CSF2RA: variants seen among roughly 807,000 people sequenced by gnomAD.
The protein encoded by CSF2RA is granulocyte-macrophage colony-stimulating factor receptor subunit alpha.
A neutral mutation model predicts 51.6 loss-of-function variants in CSF2RA; 42 were observed. That is an observed-to-expected ratio of 0.81 (90% CI 0.64 to 1.05). The LOEUF is 1.05. Among genes scored for constraint, CSF2RA ranks in the 50% least tolerant of loss-of-function variants. The pLI is 0.00. For synonymous variants in CSF2RA, 222 were observed against 193.0 expected (o/e 1.15, Z -1.24); for missense variants, 530 against 501.1 (o/e 1.06, Z -0.55).
intron 2 of CSF2RA, among the ~76,000 whole-genome samples, chrX:1,280,925 C>CCTCCTCCTCCTCCTCCTG (rs2089878857): frequency 8.0e-6 from 1 of 125,080 alleles, no homozygotes; most frequent in Non-Finnish European, 1.7e-5. Flanking sequence ...TCCTCCTCCT[C>CCTCCTCCTCCTCCTCCTG]CTTCTCCTCC....
At chrX:1,269,190 C>A (rs1237037494) in intron 1 of CSF2RA, among the ~76,000 whole-genome samples, 1 of 152,090 alleles carries the variant, frequency 6.6e-6, no homozygotes, top group Admixed American at 6.6e-5. Flanking sequence ...GCTGGGAATT[C>A]TCGTTGGTTT....
the CSF2RA span, among the ~76,000 whole-genome samples, chrX:1,315,746 A>G: frequency 6.6e-6 from 1 of 151,944 alleles, no homozygotes. Context: ...ATAGATAGAT[A>G]GATAGAAAAT....
chrX:1,283,446 T>G (rs2090286969), intron 3 of CSF2RA, among the ~76,000 whole-genome samples: 1 of 149,440 alleles, frequency 6.7e-6, no homozygotes, highest in Non-Finnish European at 1.5e-5. Context: ...TTGTTTTTCT[T>G]TCTTTCCTTC....
chrX:1,306,613 C>T (rs2083594521), intron 12 of CSF2RA, among the ~76,000 whole-genome samples: 2 of 151,950 alleles, frequency 1.3e-5, no homozygotes, highest in East Asian at 1.9e-4. Context: ...CACCATTGCA[C>T]TCTAACCTGG....
In CSF2RA at chrX:1,306,437, G is replaced by A. The variant is rs28829909; in HGVS notation, c.1125+910G>A. 9.0e-3 allele frequency among the ~76,000 whole-genome samples: 1,360 copies of A among 151,432 alleles called. 18 individuals carry two copies. Among genetic ancestry groups the A allele is most frequent in the African/African-American group, 0.03 (1,257 of 41,296 alleles). On this transcript the variant is annotated intron_variant, in intron 12 of 12. Transcript: ENST00000381529. ...CGAGGCGGGTGGATCACTTGAGGTC[G>A]GGAGTTCGAGACCAGCCTGACCAAC...
intron 10 of CSF2RA, among the ~76,000 whole-genome samples, chrX:1,301,646 G>T (rs2082945107): frequency 6.9e-6 from 1 of 144,806 alleles, no homozygotes; most frequent in Admixed American, 7.1e-5. Flanking sequence ...TCGCAGGCTG[G>T]AGTCCAGTGG....
chrX:1,323,222 T>A, the CSF2RA span, among the ~76,000 whole-genome samples: 1 of 149,866 alleles, frequency 6.7e-6, no homozygotes, highest in African/African-American at 2.4e-5. Flanking sequence ...AAGTAAAGAA[T>A]CTGAAGATGA....
chrX:1,319,957 A>G, the CSF2RA span, among the ~76,000 whole-genome samples: 1 of 149,198 alleles, frequency 6.7e-6, no homozygotes, highest in South Asian at 2.2e-4. Context: ...GTGCAGTGGC[A>G]CGATCTCGGC....
chrX:1,314,491 C>T (rs745636781), downstream of CSF2RA, among the ~76,000 whole-genome samples: 2,528 of 141,706 alleles, frequency 0.018, 73 homozygotes, highest in Non-Finnish European at 0.03. Context: ...TACCCAACCC[C>T]ACTGTGCCTG....
At chrX:1,322,439 G>GTTTT in the CSF2RA span, among the ~76,000 whole-genome samples, 497 of 120,642 alleles carry the variant, frequency 4.1e-3, 8 homozygotes, top group Non-Finnish European at 6.2e-3. Context: ...GTGTGTGTTT[G>GTTTT]TTTTTTTTTT....
At chrX:1,302,869 T>TTTTA (rs1194805566) in intron 10 of CSF2RA, 2 of 253,796 alleles carry the variant, frequency 7.9e-6, no homozygotes, top group Non-Finnish European at 1.4e-5. Context: ...TTTTAAATAT[T>TTTTA]TTTATTTATT....
At chrX:1,280,853 T>TCTCCTCCTCCTCCTCCTCCTCCTTCTC (rs375893469) in intron 2 of CSF2RA, among the ~76,000 whole-genome samples, 3 of 76,704 alleles carry the variant, frequency 3.9e-5, no homozygotes, top group African/African-American at 1.2e-4. Context: ...TTCCTCTCCT[T>TCTCCTCCTCCTCCTCCTCCTCCTTCTC]CTCCTCCTCC....
At chrX:1,294,629 C>T (rs1329617826) in intron 8 of CSF2RA, among the ~76,000 whole-genome samples, 168 bp downstream of exon 8, 1 of 152,132 alleles carries the variant, frequency 6.6e-6, no homozygotes, top group Non-Finnish European at 1.5e-5. Flanking sequence ...GGTGAAGGGT[C>T]TGTGGCCTGT....
intron 2 of CSF2RA, among the ~76,000 whole-genome samples, chrX:1,281,422 T>G (rs1225720322): frequency 7.1e-6 from 1 of 140,166 alleles, no homozygotes; most frequent in Non-Finnish European, 1.5e-5. Context: ...CTCCTCCTTC[T>G]CCTCCTCCTT....
In CSF2RA at chrX:1,309,904, A is replaced by G. The variant is rs1167971273; in HGVS notation, c.*425A>G. 20 of 571,374 alleles carry G rather than the reference A, an allele frequency of 3.5e-5. No individual in the cohort carries two copies. The highest frequency in any genetic ancestry group is 3.4e-4 in the African/African-American group (18 of 53,454). The allele number at this position is 571,374 out of a possible 1,614,324, so 35.4% of individuals were successfully genotyped here. A position where few individuals can be genotyped will look rare whatever the true frequency, so the allele number is the denominator to read the frequency against. ...TTGCATCTCAAAACAAACAATAATAATAAATAATAAAAACCTGATATTTGG... is the reference window on the plus strand; with the variant it reads ...TTGCATCTCAAAACAAACAATAATAGTAAATAATAAAAACCTGATATTTGG... On this transcript the variant is annotated 3_prime_UTR_variant, in exon 13 of 13. Transcript: ENST00000381529.
At chrX:1,318,257 G>A in the CSF2RA span, among the ~76,000 whole-genome samples, 2 of 151,496 alleles carry the variant, frequency 1.3e-5, no homozygotes, top group South Asian at 2.1e-4. Context: ...TCTGCTTCCC[G>A]GGTTCAAGTG....
rs760668639 is a variant in CSF2RA, at chrX:1,288,501, C to G, written c.220-18C>G. The G allele has an allele frequency of 1.2e-5, 19 of 1,613,796 alleles. No individual in the cohort carries two copies. In the East Asian group the frequency reaches 4.0e-4, roughly 34 times the overall value. On this transcript the variant is annotated intron_variant, in intron 4 of 12. Coordinates refer to ENST00000381529, the MANE Select transcript of CSF2RA (RefSeq NM_172245.4). ...AAGGTTGTTTCCTAATCGGCTCTGTCTGGTTGCAATTCTTCAGCTCAGTAA... is the reference window on the plus strand; with the variant it reads ...AAGGTTGTTTCCTAATCGGCTCTGTGTGGTTGCAATTCTTCAGCTCAGTAA...
Position 1,309,514 on chromosome X carries a change from C to G in CSF2RA, c.*35C>G. ...GGTGTAGGAATGGCATGGACATCTCCGCCTCCGCGACACGGGGGAACTGTT... is the reference window on the plus strand; with the variant it reads ...GGTGTAGGAATGGCATGGACATCTCGGCCTCCGCGACACGGGGGAACTGTT... On this transcript the variant is annotated 3_prime_UTR_variant, in exon 13 of 13. Transcript: ENST00000381529. 3.1e-6 allele frequency: 5 copies of G among 1,613,944 alleles called. No individual in the cohort carries two copies. The highest frequency in any genetic ancestry group is 4.2e-6 in the Non-Finnish European group (5 of 1,179,828).
intron 2 of CSF2RA, among the ~76,000 whole-genome samples, chrX:1,277,593 C>CA (rs749833246): frequency 0.22 from 15,196 of 70,252 alleles, 1,493 homozygotes; most frequent in East Asian, 0.31. Context: ...AAGTCCATCT[C>CA]AAAAAAAAAA....
Sources: gnomAD v4.1 joint callset for allele counts (sites outside exome capture counted in the v4.1 genomes callset) on GRCh38, gnomAD v4.1.1 for gene constraint, MANE v1.5 for transcripts, NCBI Gene and HGNC (gene_info 2026-07-23, HGNC 2026-07-21) for gene names.